The following SLC4A4 variants were observed in gnomAD, a reference collection of about 807,000 sequenced individuals.
SLC4A4 encodes the protein electrogenic sodium bicarbonate cotransporter 1.
A neutral mutation model predicts 111.5 loss-of-function variants in SLC4A4; 27 were observed. The ratio of observed to expected loss-of-function variants is 0.24; its 90% CI spans 0.18 to 0.33. The LOEUF (loss-of-function observed/expected upper bound fraction) is 0.33. Among genes scored for constraint, SLC4A4 ranks in the 10% least tolerant of loss-of-function variants. The pLI is 1.00. For missense variants in SLC4A4, 909 were observed against 1,315.5 expected (o/e 0.69, Z 4.78); for synonymous variants, 443 against 463.4 (o/e 0.96, Z 0.57).
At chr4:71,403,593 A>G (rs1386070973) in intron 7 of SLC4A4, among the ~76,000 whole-genome samples, 1 of 152,202 alleles carries the variant, frequency 6.6e-6, no homozygotes, top group Admixed American at 6.5e-5. Context: ...GCAAAAAGCA[A>G]GAGTAGAGGC....
chr4:71,121,155 C>T (rs1560730411), intron 2 of SLC4A4, among the ~76,000 whole-genome samples: 1 of 152,178 alleles, frequency 6.6e-6, no homozygotes, highest in African/African-American at 2.4e-5. Context: ...GCCTCAGCTG[C>T]CTCCCCACAG....
chr4:71,355,366 A>G (rs1160974437), intron 5 of SLC4A4, among the ~76,000 whole-genome samples: 1 of 152,254 alleles, frequency 6.6e-6, no homozygotes, highest in Non-Finnish European at 1.5e-5. Context: ...AAGGAAAAGT[A>G]GAGGGGTTGT....
chr4:71,384,599 G>A (rs1405742942), intron 6 of SLC4A4, among the ~76,000 whole-genome samples: 1 of 142,116 alleles, frequency 7.0e-6, no homozygotes, highest in Non-Finnish European at 1.5e-5. Flanking sequence ...TCACGCCATT[G>A]CACTCAAGCC....
intron 3 of SLC4A4, among the ~76,000 whole-genome samples, chr4:71,311,925 GA>G: frequency 6.6e-6 from 1 of 151,208 alleles, no homozygotes. Flanking sequence ...GAGAGAGAGA[GA>G]GAGAGAGAAG....
chr4:71,471,539 C>T (rs539018212), intron 13 of SLC4A4, among the ~76,000 whole-genome samples: 1 of 152,030 alleles, frequency 6.6e-6, no homozygotes, highest in East Asian at 1.9e-4. Flanking sequence ...TTATCAGAAA[C>T]TCATTGTCTA....
chr4:71,454,334 C>G (rs1458562287), intron 12 of SLC4A4, among the ~76,000 whole-genome samples: 1 of 152,052 alleles, frequency 6.6e-6, no homozygotes, highest in Non-Finnish European at 1.5e-5. Context: ...TGTCTGATTC[C>G]CTCCACCAAC....
At chr4:71,450,115 G>A (rs1343863218) in intron 9 of SLC4A4, among the ~76,000 whole-genome samples, 2 of 152,138 alleles carry the variant, frequency 1.3e-5, no homozygotes, top group Non-Finnish European at 2.9e-5. Flanking sequence ...CATACCAGTG[G>A]GAGCTGAAAG....
intron 1 of SLC4A4, 82 bp from the exon 2 acceptor site, chr4:71,236,494 A>G: frequency 7.7e-7 from 1 of 1,297,034 alleles, no homozygotes; most frequent in South Asian, 1.2e-5. Flanking sequence ...TTGCAGGTTA[A>G]CCTGCCCAGA....
intron 6 of SLC4A4, among the ~76,000 whole-genome samples, chr4:71,391,233 T>C (rs141183412): frequency 1.3e-5 from 2 of 152,248 alleles, no homozygotes; most frequent in African/African-American, 4.8e-5. Flanking sequence ...TAGTTATTTT[T>C]TGTGCTACAA....
chr4:71,436,972 TA>T (rs34849641), intron 7 of SLC4A4: 502 of 336,450 alleles, frequency 1.5e-3, no homozygotes, highest in Non-Finnish European at 1.5e-3. Flanking sequence ...TGTTTTCTAT[TA>T]AAAAAAAAGA....
At chr4:71,268,826 A>G (rs953793314) in intron 3 of SLC4A4, among the ~76,000 whole-genome samples, 3 of 152,230 alleles carry the variant, frequency 2.0e-5, no homozygotes, top group Non-Finnish European at 2.9e-5. Context: ...GTCTTTGTGC[A>G]TAGTTCAGAG....
intron 16 of SLC4A4, among the ~76,000 whole-genome samples, chr4:71,517,779 C>T (rs1732544336): frequency 6.6e-6 from 1 of 152,198 alleles, no homozygotes; most frequent in Non-Finnish European, 1.5e-5. Context: ...TTTCACCAAT[C>T]AGCCTGTCTA....
At chr4:71,416,691 AATT>A (rs201948798) in intron 7 of SLC4A4, among the ~76,000 whole-genome samples, 7 of 151,436 alleles carry the variant, frequency 4.6e-5, no homozygotes, top group East Asian at 3.9e-4. Flanking sequence ...AAACATTTTA[AATT>A]ATTATTATTA....
At chr4:71,189,781 A>T (rs1203025819) in intron 1 of SLC4A4, among the ~76,000 whole-genome samples, 1 of 152,228 alleles carries the variant, frequency 6.6e-6, no homozygotes, top group Non-Finnish European at 1.5e-5. Flanking sequence ...GGCGAGATAC[A>T]TATCTGTTTC....
At chr4:71,281,924 CTTTTTT>C (rs765763593) in intron 3 of SLC4A4, among the ~76,000 whole-genome samples, 1 of 136,818 alleles carries the variant, frequency 7.3e-6, no homozygotes, top group Non-Finnish European at 1.6e-5. Context: ...TTTTCTCTTT[CTTTTTT>C]TTTTTTTTGG....
intron 16 of SLC4A4, among the ~76,000 whole-genome samples, chr4:71,498,437 G>A (rs1394042470): frequency 6.6e-6 from 1 of 152,030 alleles, no homozygotes; most frequent in Non-Finnish European, 1.5e-5. Flanking sequence ...GTATTTCTTA[G>A]GCAATCTTGA....
intron 7 of SLC4A4, among the ~76,000 whole-genome samples, chr4:71,432,528 T>C (rs1358210621): frequency 6.6e-6 from 1 of 152,158 alleles, no homozygotes; most frequent in Non-Finnish European, 1.5e-5. Flanking sequence ...TTTTTAAAAA[T>C]ATTAGTATTT....
chr4:71,212,548 A>G (rs1172022563), intron 1 of SLC4A4, among the ~76,000 whole-genome samples: 17 of 152,226 alleles, frequency 1.1e-4, no homozygotes, highest in Admixed American at 1.1e-3. Flanking sequence ...GTTGGAATCC[A>G]CAGGACAGAG....
At chr4:71,151,491 T>C (rs1244054222) in intron 2 of SLC4A4, among the ~76,000 whole-genome samples, 1 of 152,140 alleles carries the variant, frequency 6.6e-6, no homozygotes, top group Non-Finnish European at 1.5e-5. Context: ...TTTAATGACA[T>C]TTAATGTCAT....
Sources: gnomAD v4.1 joint callset for allele counts (sites outside exome capture counted in the v4.1 genomes callset) on GRCh38, gnomAD v4.1.1 for gene constraint, MANE v1.5 for transcripts, NCBI Gene and HGNC (gene_info 2026-07-23, HGNC 2026-07-21) for gene names.